TLK2: variants seen among roughly 807,000 people sequenced by gnomAD.
TLK2 encodes the protein tousled like kinase 2.
TLK2 carries 6 observed loss-of-function variants against 117.3 expected under a neutral mutation model. The observed-to-expected ratio is 0.05, with a 90% CI of 0.03 to 0.10. The LOEUF is 0.10. Among genes scored for constraint, TLK2 ranks in the 10% least tolerant of loss-of-function variants. The probability of loss-of-function intolerance (pLI) is 1.00; values close to 1 mark genes in which losing one functional copy is unlikely to be tolerated. For synonymous variants in TLK2, 257 were observed against 316.7 expected (o/e 0.81, Z 2.00); for missense variants, 299 against 901.2 (o/e 0.33, Z 8.56).
At chr17:62,549,377 T>G (rs2078207866) in intron 7 of TLK2, among the ~76,000 whole-genome samples, 1 of 74,890 alleles carries the variant, frequency 1.3e-5, no homozygotes, top group African/African-American at 4.9e-5. Flanking sequence ...CCAGCCTAAG[T>G]GACAGAGCAA....
intron 9 of TLK2, among the ~76,000 whole-genome samples, chr17:62,559,367 AT>A (rs563561365): frequency 1.8e-4 from 27 of 148,136 alleles, no homozygotes; most frequent in Admixed American, 4.0e-4. Flanking sequence ...ATTGTAGTTT[AT>A]TTTTTTTTTA....
rs768036306 is a variant in TLK2 at position 62,576,700 on chromosome 17, G to A, written c.1122-9G>A. ...GTAGTTTACTGAAACTTTTACCACT[G>A]TTTTTCAGGTTAACGTTAGCAGAAT... On this transcript the variant is annotated splice_polypyrimidine_tract_variant and intron_variant, in intron 12 of 21. Transcript: ENST00000346027. 6.2e-7 allele frequency: 1 copy of A among 1,610,766 alleles called. No individual in the cohort carries two copies. Among genetic ancestry groups the A allele is most frequent in the Non-Finnish European group, 8.5e-7 (1 of 1,177,868 alleles).
intron 21 of TLK2, chr17:62,612,091 T>G: frequency 4.7e-6 from 1 of 214,896 alleles, no homozygotes. Flanking sequence ...TTTTTTCTGT[T>G]GGTCTTAGTG....
chr17:62,542,277 CTTATTTAATCTTAT>C (rs2077589588), intron 7 of TLK2, among the ~76,000 whole-genome samples: 1 of 152,034 alleles, frequency 6.6e-6, no homozygotes, highest in Admixed American at 6.6e-5. Context: ...TAATGTGTTC[CTTATTTAATCTTAT>C]TTATTTATTG....
chr17:62,590,204 G>T (rs2081973638), intron 16 of TLK2, among the ~76,000 whole-genome samples: 1 of 151,150 alleles, frequency 6.6e-6, no homozygotes, highest in Admixed American at 6.6e-5. Flanking sequence ...GGCGGAGGTG[G>T]GTGGATTGCC....
intron 2 of TLK2, among the ~76,000 whole-genome samples, chr17:62,515,192 T>G (rs1340739030): frequency 6.6e-6 from 1 of 152,212 alleles, no homozygotes; most frequent in East Asian, 1.9e-4. Flanking sequence ...AATGTAGAAT[T>G]TCATGTATAC....
At chr17:62,576,449 A>G (rs1177003734) in intron 12 of TLK2, among the ~76,000 whole-genome samples, 2 of 152,356 alleles carry the variant, frequency 1.3e-5, no homozygotes, top group South Asian at 2.1e-4. Context: ...TTTCAAAAAT[A>G]ATATAAAAAT....
At chr17:62,482,817 G>C (rs1219473479) in intron 2 of TLK2, among the ~76,000 whole-genome samples, 1 of 152,178 alleles carries the variant, frequency 6.6e-6, no homozygotes, top group Non-Finnish European at 1.5e-5. Flanking sequence ...ATTGTGCAAG[G>C]TGTTAGGGCT....
At chr17:62,492,088 T>C (rs190670653) in intron 2 of TLK2, among the ~76,000 whole-genome samples, 1 of 152,284 alleles carries the variant, frequency 6.6e-6, no homozygotes, top group East Asian at 1.9e-4. Flanking sequence ...GAAGCCAGAT[T>C]TGAGATACAG....
chr17:62,523,857 T>C (rs2076205342), intron 5 of TLK2, among the ~76,000 whole-genome samples: 1 of 152,208 alleles, frequency 6.6e-6, no homozygotes, highest in Non-Finnish European at 1.5e-5. Flanking sequence ...CAGTGGAACA[T>C]GTAGTGAGTT....
intron 15 of TLK2, among the ~76,000 whole-genome samples, chr17:62,582,995 T>C (rs377446150): frequency 6.6e-6 from 1 of 152,354 alleles, no homozygotes; most frequent in Non-Finnish European, 1.5e-5. Flanking sequence ...TTTTATTGTA[T>C]GTACCACATT....
Position 62,472,890 on chromosome 17 carries a change from C to T in TLK2, c.-205+1812C>T, listed in dbSNP as rs1214487749. Among the ~76,000 whole-genome samples the T allele has an allele frequency of 5.3e-5, 8 of 152,180 alleles. No homozygotes were observed. In the South Asian group the frequency reaches 8.3e-4, roughly 16 times the overall value. Reference sequence around the variant, plus strand: ...GATCTGAGAGAAAACATCCTGACCACAGGTCACTTGAAATGCCCTGTAATT... The same window carrying T: ...GATCTGAGAGAAAACATCCTGACCATAGGTCACTTGAAATGCCCTGTAATT... On this transcript the variant is annotated intron_variant, in intron 1 of 4. Transcript: ENST00000579450.
intron 20 of TLK2, among the ~76,000 whole-genome samples, chr17:62,607,248 G>A (rs937239387): frequency 6.6e-6 from 1 of 151,006 alleles, no homozygotes; most frequent in Non-Finnish European, 1.5e-5. Context: ...GACCAGGCGT[G>A]GTGGCTCACA....
At chr17:62,610,785 C>T (rs1598929618) in intron 21 of TLK2, among the ~76,000 whole-genome samples, 1 of 152,036 alleles carries the variant, frequency 6.6e-6, no homozygotes, top group Non-Finnish European at 1.5e-5. Flanking sequence ...TTAATCAGGG[C>T]AACTATGTGA....
At chr17:62,550,638 A>G (rs1159887255) in intron 7 of TLK2, 1 of 152,182 alleles carries the variant, frequency 6.6e-6, no homozygotes, top group Non-Finnish European at 1.5e-5. Context: ...CTTCAATGAA[A>G]TCGTGTGTAG....
Position 62,502,243 on chromosome 17 carries a change from G to A in TLK2, c.82-18530G>A, listed in dbSNP as rs1217520955. On this transcript the variant is annotated intron_variant, in intron 2 of 21. Coordinates refer to ENST00000346027, the MANE Select transcript of TLK2 (RefSeq NM_006852.6). ...TTATCCCAGTTGCAAAGTTGATTTA[G>A]CATTAGAATTCATTGTAATTCACCA... Among the ~76,000 whole-genome samples the A allele has an allele frequency of 2.6e-5, 4 of 152,040 alleles. No individual in the cohort carries two copies. The East Asian group carries it at 7.7e-4, about 29-fold the overall frequency.
chr17:62,596,276 A>G (rs948722146), intron 16 of TLK2, among the ~76,000 whole-genome samples: 3 of 151,950 alleles, frequency 2.0e-5, no homozygotes, highest in Admixed American at 6.6e-5. Flanking sequence ...GGGTTTCACC[A>G]TGTTGGCCAG....
At chr17:62,555,021 TACAC>T (rs773654674) in intron 9 of TLK2, among the ~76,000 whole-genome samples, 3 of 151,330 alleles carry the variant, frequency 2.0e-5, no homozygotes, top group East Asian at 1.9e-4. Flanking sequence ...TGTGTATATA[TACAC>T]ACACACACAC....
intron 16 of TLK2, among the ~76,000 whole-genome samples, chr17:62,592,665 AGTTTTTCCATGGACC>A (rs2082165670): frequency 1.3e-5 from 2 of 152,326 alleles, no homozygotes; most frequent in South Asian, 4.1e-4. Flanking sequence ...TGTGGAAGAC[AGTTTTTCCATGGACC>A]GGGGACAGGG....
Sources: allele counts gnomAD v4.1 joint callset (sites outside exome capture counted in the v4.1 genomes callset), GRCh38; gene constraint gnomAD v4.1.1; transcripts MANE v1.5; gene names NCBI Gene and HGNC (gene_info 2026-07-23, HGNC 2026-07-21).